Variants in NAV3 observed in about 807,000 individuals in gnomAD.
The protein encoded by NAV3 is neuron navigator 3.
In NAV3, 87 loss-of-function variants were observed where a neutral mutation model predicts 244.7. The observed-to-expected ratio is 0.36, with a 90% confidence interval of 0.30 to 0.42. The LOEUF (loss-of-function observed/expected upper bound fraction) is 0.42. NAV3 is among the 20% of genes least tolerant of loss of function. The probability of loss-of-function intolerance (pLI) is 1.00; values close to 1 mark genes in which losing one functional copy is unlikely to be tolerated. For missense variants in NAV3, 2,663 were observed against 2,893.3 expected (o/e 0.92, Z 1.83); for synonymous variants, 1,126 against 1,042.2 (o/e 1.08, Z -1.55).
At chr12:77,814,648 C>T (rs149276410) in intron 2 of NAV3, among the ~76,000 whole-genome samples, 15 of 152,230 alleles carry the variant, frequency 9.9e-5, no homozygotes, top group Non-Finnish European at 2.1e-4. Flanking sequence ...CTTAATAGCA[C>T]AGGCCTACTT....
rs1318280750 is a variant in NAV3, at chr12:78,006,413, G to A, written c.881-6G>A. On this transcript the variant is annotated splice_polypyrimidine_tract_variant and splice_region_variant and intron_variant, in intron 7 of 39. Transcript: ENST00000397909. ...TTTCTTTATTTTTCTTCTAAACAATGTCCAGATTCCTCCAAAGGACCTCAA... is the reference window on the plus strand; with the variant it reads ...TTTCTTTATTTTTCTTCTAAACAATATCCAGATTCCTCCAAAGGACCTCAA... The A allele has an allele frequency of 3.1e-6, 5 of 1,609,486 alleles. No homozygotes were observed. The highest frequency in any genetic ancestry group is 1.1e-5 in the South Asian group (1 of 90,988).
chr12:78,162,890 T>A (rs201952436), intron 23 of NAV3, among the ~76,000 whole-genome samples: 20 of 113,152 alleles, frequency 1.8e-4, no homozygotes, highest in Non-Finnish European at 3.4e-4. Flanking sequence ...ATAATATATA[T>A]AATATATATA....
At chr12:77,654,449 A>G (rs1410240712) in intron 2 of NAV3, among the ~76,000 whole-genome samples, 1 of 152,182 alleles carries the variant, frequency 6.6e-6, no homozygotes, top group Admixed American at 6.5e-5. Context: ...CAAAGCAGTC[A>G]GGAAGCTCCA....
At chr12:78,161,613 G>T (rs1336985605) in intron 23 of NAV3, among the ~76,000 whole-genome samples, 2 of 151,926 alleles carry the variant, frequency 1.3e-5, no homozygotes, top group Non-Finnish European at 2.9e-5. Flanking sequence ...TTTATAATGT[G>T]TCTACATTAT....
intron 23 of NAV3, among the ~76,000 whole-genome samples, chr12:78,164,719 T>G (rs147468609): frequency 8.5e-5 from 13 of 152,142 alleles, no homozygotes; most frequent in African/African-American, 2.4e-5. Context: ...AGACTTCAGA[T>G]GCATGGTGGA....
intron 1 of NAV3, among the ~76,000 whole-genome samples, chr12:77,850,398 A>C (rs531439363): frequency 4.6e-5 from 7 of 152,318 alleles, no homozygotes; most frequent in Middle Eastern, 3.4e-3. Context: ...AAATCAGCCA[A>C]GTGCATTGTA....
At chr12:77,581,437 T>C (rs555391852) in intron 2 of NAV3, among the ~76,000 whole-genome samples, 78 of 152,334 alleles carry the variant, frequency 5.1e-4, no homozygotes, top group African/African-American at 1.9e-3. Context: ...CATATTACAC[T>C]GAATAGTGTA....
chr12:77,701,548 C>T (rs892251686), intron 2 of NAV3, among the ~76,000 whole-genome samples: 3 of 151,736 alleles, frequency 2.0e-5, no homozygotes, highest in African/African-American at 7.3e-5. Flanking sequence ...GCTGCTCATT[C>T]TTTTAGATTC....
intron 1 of NAV3, among the ~76,000 whole-genome samples, chr12:77,919,616 A>G (rs529784426): frequency 3.3e-5 from 5 of 152,182 alleles, no homozygotes; most frequent in African/African-American, 1.2e-4. Context: ...TTATTTCTTA[A>G]CCGCAAATAT....
chr12:78,048,620 C>T (rs551637221), intron 9 of NAV3, among the ~76,000 whole-genome samples: 1 of 152,172 alleles, frequency 6.6e-6, no homozygotes, highest in South Asian at 2.1e-4. Flanking sequence ...TTGCCAGATG[C>T]CTGCTAGAGC....
intron 2 of NAV3, among the ~76,000 whole-genome samples, chr12:77,763,522 A>C (rs1869593971): frequency 6.6e-6 from 1 of 152,194 alleles, no homozygotes; most frequent in African/African-American, 2.4e-5. Flanking sequence ...GTGTGAACTC[A>C]TGAGGCTCAA....
chr12:77,609,067 A>C (rs1354771176), intron 2 of NAV3, among the ~76,000 whole-genome samples: 1 of 152,062 alleles, frequency 6.6e-6, no homozygotes, highest in East Asian at 1.9e-4. Flanking sequence ...ACTGGCATAT[A>C]AATATTTTGG....
chr12:77,721,402 T>C (rs1876625969), intron 2 of NAV3, among the ~76,000 whole-genome samples: 4 of 152,154 alleles, frequency 2.6e-5, no homozygotes. Context: ...TTGAAAAATC[T>C]GGGTAATTAA....
rs977155117 is a variant in NAV3 at position 78,159,435 on chromosome 12, G to A, written c.4869+149G>A. On this transcript the variant is annotated intron_variant, in intron 23 of 39. Coordinates refer to ENST00000397909, the MANE Select transcript of NAV3 (RefSeq NM_001024383.2). ...TCTCACCACTTTGGGAGACCAAGGT[G>A]GGTGGATCACTTAAGGTCAGGAGTT... 9.2e-6 allele frequency: 6 copies of A among 654,814 alleles called. No individual in the cohort carries two copies. The Admixed American group carries it at 9.5e-5, about 10-fold the overall frequency. 40.6% of individuals were successfully genotyped at this position (654,814 alleles called of 1,614,324 possible). A position where few individuals can be genotyped will look rare whatever the true frequency, so the allele number is the denominator to read the frequency against.
chr12:77,936,984 C>G (rs1889386018), intron 1 of NAV3, among the ~76,000 whole-genome samples: 1 of 152,008 alleles, frequency 6.6e-6, no homozygotes, highest in African/African-American at 2.4e-5. Context: ...TTACATGTTA[C>G]TTTGTAATTT....
chr12:77,722,184 A>G (rs1402439787), intron 2 of NAV3, among the ~76,000 whole-genome samples: 1 of 152,064 alleles, frequency 6.6e-6, no homozygotes. Context: ...TGGGAATTCT[A>G]TGTAGAAGGA....
At chr12:77,639,283 T>C in intron 2 of NAV3, among the ~76,000 whole-genome samples, 1 of 152,226 alleles carries the variant, frequency 6.6e-6, no homozygotes, top group East Asian at 1.9e-4. Flanking sequence ...CAGGTGTACT[T>C]GTCTAAGTGC....
At chr12:77,921,088 T>TAG (rs942962245) in intron 1 of NAV3, among the ~76,000 whole-genome samples, 6 of 152,058 alleles carry the variant, frequency 3.9e-5, no homozygotes, top group African/African-American at 1.4e-4. Flanking sequence ...AATTTAAGTC[T>TAG]AGTGGTATGT....
At chr12:77,725,636 A>G (rs1325832360) in intron 2 of NAV3, among the ~76,000 whole-genome samples, 1 of 150,336 alleles carries the variant, frequency 6.7e-6, no homozygotes, top group Admixed American at 6.7e-5. Context: ...TTGGAAAGGA[A>G]AAAAAAAAAG....
Sources: gnomAD v4.1 joint callset for allele counts (sites outside exome capture counted in the v4.1 genomes callset) on GRCh38, gnomAD v4.1.1 for gene constraint, MANE v1.5 for transcripts, NCBI Gene and HGNC (gene_info 2026-07-23, HGNC 2026-07-21) for gene names.